FER: variants seen among roughly 807,000 people sequenced by gnomAD.
The protein encoded by FER is tyrosine-protein kinase Fer.
Under a neutral mutation model 111.0 loss-of-function variants are expected in FER, and 63 were observed. That is an observed-to-expected ratio of 0.57 (90% confidence interval 0.46 to 0.70). The LOEUF (loss-of-function observed/expected upper bound fraction) is 0.70, where lower values mean the gene tolerates loss of function less well. FER is among the 30% of genes least tolerant of loss of function. The pLI is 0.00. For synonymous variants in FER, 327 were observed against 313.9 expected, an observed-to-expected ratio of 1.04 and a Z score of -0.44; for missense variants, 914 against 954.0, an observed-to-expected ratio of 0.96 and a Z score of 0.55.
At chr5:109,032,853 A>C (rs923591085) in intron 13 of FER, among the ~76,000 whole-genome samples, 14 of 152,182 alleles carry the variant, frequency 9.2e-5, no homozygotes, top group Non-Finnish European at 1.8e-4. Context: ...TTTTTCTTTT[A>C]CCGTAATCAT....
At chr5:109,002,405 A>T (rs1293424157) in intron 13 of FER, among the ~76,000 whole-genome samples, 2 of 151,692 alleles carry the variant, frequency 1.3e-5, no homozygotes, top group African/African-American at 4.8e-5. Context: ...GGTGCTGGGA[A>T]AACTGGCTAG....
In FER at chr5:108,769,932, CTGATGATGA is replaced by C. The variant is rs144814416; in HGVS notation, c.-60+1711_-60+1719del. 4.0e-5 allele frequency among the ~76,000 whole-genome samples: 6 copies of C among 151,706 alleles called. No homozygotes were observed. The South Asian group carries it at 1.3e-3, about 32-fold the overall frequency. On this transcript the variant is annotated intron_variant, in intron 2 of 19. Coordinates refer to ENST00000281092, the MANE Select transcript of FER (RefSeq NM_005246.4). Reference sequence around the variant, plus strand: ...AATACTTTATTTTGCTTTTTTTCCACTGATGATGATGATGATGATGATGATTTTTTTTTG... The same window carrying C: ...AATACTTTATTTTGCTTTTTTTCCACTGATGATGATGATGATTTTTTTTTG...
chr5:108,896,608 C>T (rs1012965997), intron 9 of FER, among the ~76,000 whole-genome samples: 1 of 152,106 alleles, frequency 6.6e-6, no homozygotes, highest in Non-Finnish European at 1.5e-5. Flanking sequence ...AAGGAGATTA[C>T]AGCTTTCTTT....
chr5:108,759,981 A>G (rs1751544817), intron 1 of FER, among the ~76,000 whole-genome samples: 1 of 152,208 alleles, frequency 6.6e-6, no homozygotes, highest in Admixed American at 6.5e-5. Context: ...CACTGGATAG[A>G]TATGACAAGG....
intron 17 of FER, among the ~76,000 whole-genome samples, chr5:109,123,499 G>A (rs757306113): frequency 1.3e-4 from 19 of 151,344 alleles, no homozygotes; most frequent in Non-Finnish European, 2.7e-4. Flanking sequence ...ACTTTTTTCT[G>A]GTGCTATATT....
intron 10 of FER, among the ~76,000 whole-genome samples, chr5:108,909,723 C>T (rs1048204317): frequency 7.3e-5 from 11 of 151,696 alleles, no homozygotes; most frequent in East Asian, 1.9e-4. Context: ...AAACAATCTT[C>T]GGACAGACTA....
At chr5:109,172,226 A>G (rs1349827117) in intron 17 of FER, among the ~76,000 whole-genome samples, 4 of 151,920 alleles carry the variant, frequency 2.6e-5, no homozygotes, top group Admixed American at 2.6e-4. Flanking sequence ...AAAGACTTGG[A>G]ACCAACCCAA....
At chr5:109,088,416 A>G (rs1777798147) in intron 16 of FER, among the ~76,000 whole-genome samples, 1 of 152,122 alleles carries the variant, frequency 6.6e-6, no homozygotes, top group African/African-American at 2.4e-5. Context: ...CTGATAATCA[A>G]TAATGGGAAA....
chr5:108,850,659 A>T (rs1357134754), intron 5 of FER, among the ~76,000 whole-genome samples: 1 of 152,158 alleles, frequency 6.6e-6, no homozygotes, highest in Non-Finnish European at 1.5e-5. Flanking sequence ...TTTCTTGTCA[A>T]GGGATTTCTG....
chr5:108,792,439 A>G (rs1755485420), intron 2 of FER, among the ~76,000 whole-genome samples: 1 of 152,144 alleles, frequency 6.6e-6, no homozygotes, highest in African/African-American at 2.4e-5. Context: ...TTCCTGGTTA[A>G]GTGATTCACC....
At chr5:109,174,888 C>T (rs1475665932) in intron 17 of FER, among the ~76,000 whole-genome samples, 2 of 152,184 alleles carry the variant, frequency 1.3e-5, no homozygotes, top group South Asian at 4.1e-4. Context: ...TGGAGCTGCG[C>T]TGCTGGGATT....
chr5:108,765,288 G>C (rs577895975), intron 1 of FER, among the ~76,000 whole-genome samples: 2 of 152,202 alleles, frequency 1.3e-5, no homozygotes, highest in African/African-American at 2.4e-5. Flanking sequence ...AAAAAAAGTT[G>C]TTACTTTTAA....
intron 3 of FER, among the ~76,000 whole-genome samples, chr5:108,803,818 C>T (rs548342350): frequency 1.6e-4 from 25 of 152,064 alleles, no homozygotes; most frequent in South Asian, 2.1e-4. Flanking sequence ...GCTATTTGGG[C>T]GACTTTTTGG....
At chr5:108,917,297 T>A (rs140387050) in intron 10 of FER, among the ~76,000 whole-genome samples, 1,785 of 152,280 alleles carry the variant, frequency 0.012, 18 homozygotes, top group Non-Finnish European at 0.02. Context: ...CATAATTGTT[T>A]CTATTTTTAA....
At chr5:108,837,828 G>T (rs1355947884) in intron 5 of FER, among the ~76,000 whole-genome samples, 1 of 152,100 alleles carries the variant, frequency 6.6e-6, no homozygotes, top group Non-Finnish European at 1.5e-5. Context: ...GGAAGGCAAC[G>T]AGAGAATCTG....
At chr5:108,946,075 C>T in intron 10 of FER, 55 bp from the exon 11 acceptor site, 2 of 1,196,352 alleles carry the variant, frequency 1.7e-6, no homozygotes, top group South Asian at 2.5e-5. Flanking sequence ...ACATAAATGT[C>T]TATACATATT....
At chr5:109,053,651 G>C (rs1244146628) in intron 16 of FER, among the ~76,000 whole-genome samples, 2 of 148,864 alleles carry the variant, frequency 1.3e-5, no homozygotes, top group Non-Finnish European at 3.0e-5. Context: ...ATTGTAATGT[G>C]TATCAATAGG....
chr5:108,804,292 T>C (rs1756973829), intron 3 of FER, among the ~76,000 whole-genome samples: 1 of 152,204 alleles, frequency 6.6e-6, no homozygotes, highest in Non-Finnish European at 1.5e-5. Context: ...AGAGATAGTT[T>C]GACTTCTTTT....
intron 10 of FER, among the ~76,000 whole-genome samples, chr5:108,901,807 C>T (rs896444364): frequency 2.0e-5 from 3 of 152,004 alleles, no homozygotes; most frequent in Admixed American, 1.3e-4. Flanking sequence ...AAAAATTAGT[C>T]GGGTGTGGTG....
Sources: allele counts gnomAD v4.1 joint callset (sites outside exome capture counted in the v4.1 genomes callset), GRCh38; gene constraint gnomAD v4.1.1; transcripts MANE v1.5; gene names NCBI Gene and HGNC (gene_info 2026-07-23, HGNC 2026-07-21).